Variants in SAP130 observed in about 807,000 individuals in gnomAD.
SAP130 encodes the protein histone deacetylase complex subunit SAP130.
In SAP130, 16 loss-of-function variants were observed where a neutral mutation model predicts 103.2. The observed-to-expected ratio is 0.16, with a 90% CI of 0.10 to 0.24. SAP130 has a LOEUF of 0.24. Ranked by LOEUF, SAP130 falls within the 10% of genes least tolerant of loss-of-function variation. The probability of loss-of-function intolerance (pLI) is 1.00; values close to 1 mark genes in which losing one functional copy is unlikely to be tolerated. For missense variants in SAP130, 990 were observed against 1,359.7 expected (o/e 0.73, Z 4.28); for synonymous variants, 477 against 497.0 (o/e 0.96, Z 0.53).
chr2:127,967,809 T>C (rs1171314170), intron 15 of SAP130, among the ~76,000 whole-genome samples: 1 of 152,154 alleles, frequency 6.6e-6, no homozygotes, highest in African/African-American at 2.4e-5. Context: ...AACAGATATA[T>C]AGAATACTCC....
Position 128,000,446 on chromosome 2 carries a change from G to T in SAP130, c.878C>A (p.Thr293Asn). 2 of 1,614,130 alleles carry T rather than the reference G, an allele frequency of 1.2e-6. No homozygotes were observed. The highest frequency in any genetic ancestry group is 1.7e-6 in the Non-Finnish European group (2 of 1,180,010). Residue 293 changes from threonine (T) to asparagine (N), a missense_variant, in exon 8 of 21, where the codon ACC becomes AAC. Physicochemically the swap from Thr to Asn is moderately conservative, Grantham distance 65. Around this residue, in one of 6 missense-constraint regions of SAP130, gnomAD observed 336 missense variants for 520.1 expected, o/e 0.65. Transcript: ENST00000643581. ...HATDSALSRPTLSIQHPPSAA... is the reference protein window; with the variant it reads ...HATDSALSRPNLSIQHPPSAA... ...AGATGGAGGATGCTGGATAGACAAGGTTGGCCTACTGAAAAGATAACAAAG... is the reference window on the plus strand; with the variant it reads ...AGATGGAGGATGCTGGATAGACAAGTTTGGCCTACTGAAAAGATAACAAAG...
intron 14 of SAP130, among the ~76,000 whole-genome samples, chr2:127,979,113 G>A (rs1355330742): frequency 5.3e-5 from 8 of 152,296 alleles, no homozygotes; most frequent in African/African-American, 1.9e-4. Flanking sequence ...AAAATCCAGT[G>A]ACAAGTATCC....
In SAP130 at chr2:128,018,483, C is replaced by CAAAAAA. The variant is rs759445928; in HGVS notation, c.113-574_113-569dup. Among the ~76,000 whole-genome samples, 55 of 69,468 alleles carry CAAAAAA rather than the reference C, an allele frequency of 7.9e-4. 2 individuals are homozygous for CAAAAAA. Among genetic ancestry groups the CAAAAAA allele is most frequent in the African/African-American group, 3.6e-3 (55 of 15,290 alleles). The allele number at this position is 69,468 out of a possible 152,430, so 45.6% of individuals were successfully genotyped here. ...CTGGGCGAGAGAGGAAGATTGTCTC[C>CAAAAAA]AAAAAAAAAAAAAAAAAAAAAAAGG... On this transcript the variant is annotated intron_variant, in intron 2 of 20. Coordinates refer to ENST00000643581, the MANE Select transcript of SAP130 (RefSeq NM_001330301.2).
chr2:127,942,359 A>G lies in SAP130; in HGVS notation c.3015+65T>C. ...GAGGGAGACGGGGGGAAACGGGAGA[A>G]GTAGGGCTTTACAGAAAGCAACTTC... On this transcript the variant is annotated intron_variant, in intron 20 of 20. Transcript: ENST00000643581. This position sits in a 1 kb window ranked among gnomAD's most constrained non-coding sequence, Gnocchi z 4.8. 8.2e-7 allele frequency: 1 copy of G among 1,226,846 alleles called. No homozygotes were observed. Among genetic ancestry groups the G allele is most frequent in the South Asian group, 1.2e-5 (1 of 82,154 alleles). The allele number at this position is 1,226,846 out of a possible 1,614,324, so 76.0% of individuals were successfully genotyped here. A position where few individuals can be genotyped will look rare whatever the true frequency, so the allele number is the denominator to read the frequency against.
intron 15 of SAP130, among the ~76,000 whole-genome samples, chr2:127,970,246 A>T (rs1321916180): frequency 6.8e-6 from 1 of 147,760 alleles, no homozygotes; most frequent in Non-Finnish European, 1.5e-5. Context: ...AAAAATTTTA[A>T]ATTAGCTGGG....
chr2:127,974,167 G>A (rs1158090026), intron 15 of SAP130, among the ~76,000 whole-genome samples: 2 of 152,204 alleles, frequency 1.3e-5, no homozygotes, highest in East Asian at 3.8e-4. Context: ...CTCTGCTGCA[G>A]TTTATTCTCA....
intron 15 of SAP130, among the ~76,000 whole-genome samples, chr2:127,958,929 G>A (rs1336691013): frequency 6.6e-6 from 1 of 152,080 alleles, no homozygotes; most frequent in African/African-American, 2.4e-5. Context: ...GAAGCTGTGG[G>A]GTGAGCCGCC....
chr2:127,945,623 C>A lies in SAP130; in HGVS notation c.2798-64G>T. On this transcript the variant is annotated intron_variant, in intron 18 of 20. Coordinates refer to ENST00000643581, the MANE Select transcript of SAP130 (RefSeq NM_001330301.2). ...TTTAAAAAGGTAAATGATTTGTGTT[C>A]GAGCAGTGTAAATGCCATTATTTTA... 3 of 1,028,484 alleles carry A rather than the reference C, an allele frequency of 2.9e-6. No individual in the cohort carries two copies. In the South Asian group the frequency reaches 3.8e-5, roughly 13 times the overall value. The allele number at this position is 1,028,484 out of a possible 1,614,324, so 63.7% of individuals were successfully genotyped here.
At chr2:127,987,103 G>T in intron 13 of SAP130, 141 bp from the exon 14 acceptor site, 1 of 709,698 alleles carries the variant, frequency 1.4e-6, no homozygotes, top group Non-Finnish European at 2.3e-6. Flanking sequence ...AGGGACAGGA[G>T]CACAATGTTC....
intron 2 of SAP130, among the ~76,000 whole-genome samples, chr2:128,020,985 G>A (rs1055901060): frequency 6.6e-6 from 1 of 151,754 alleles, no homozygotes; most frequent in East Asian, 1.9e-4. Flanking sequence ...GCAAGACTCT[G>A]TCTCAAAAAA....
rs572132284 is a variant in SAP130 at position 127,996,882 on chromosome 2, A to T, written c.1214-391T>A. Among the ~76,000 whole-genome samples, 83 of 152,062 alleles carry T rather than the reference A, an allele frequency of 5.5e-4. No homozygotes were observed. Among genetic ancestry groups the T allele is most frequent in the African/African-American group, 1.9e-3 (77 of 41,460 alleles). ...CAGTGAGCCATGACTGCACCACTAT[A>T]CTCCAGCCTCACTCACAGACTGGGA... On this transcript the variant is annotated intron_variant, in intron 10 of 20. Coordinates refer to ENST00000643581, the MANE Select transcript of SAP130 (RefSeq NM_001330301.2). The surrounding 1 kb of genome is among the most constrained non-coding windows in gnomAD (Gnocchi z 4.3).
At chr2:128,010,028 C>T (rs1684270569) in intron 7 of SAP130, among the ~76,000 whole-genome samples, 1 of 152,082 alleles carries the variant, frequency 6.6e-6, no homozygotes, top group African/African-American at 2.4e-5. Context: ...TTTTCCAAAG[C>T]ACTTTTCACC....
In SAP130 at chr2:127,941,756, A is replaced by G. The variant is rs994111414; in HGVS notation, c.*250T>C. The G allele has an allele frequency of 8.3e-6, 4 of 481,636 alleles. No individual in the cohort carries two copies. The highest frequency in any genetic ancestry group is 5.1e-4 in the Middle Eastern group (1 of 1,954). 29.8% of individuals were successfully genotyped at this position (481,636 alleles called of 1,614,324 possible). On this transcript the variant is annotated 3_prime_UTR_variant, in exon 21 of 21. Transcript: ENST00000643581. ...GCTTCCAACTGGTGGACACTGATGC[A>G]TCCGGAGTCACTTATGACACAGATC...
intron 13 of SAP130, among the ~76,000 whole-genome samples, chr2:127,988,171 G>A (rs1222833525): frequency 6.6e-6 from 1 of 152,114 alleles, no homozygotes. Flanking sequence ...GCCTGCAATC[G>A]CAGCACTTTG....
chr2:128,009,607 A>G (rs1358417424), intron 7 of SAP130, among the ~76,000 whole-genome samples: 4 of 152,202 alleles, frequency 2.6e-5, no homozygotes, highest in African/African-American at 9.7e-5. Flanking sequence ...CTATCCAGCA[A>G]CCAGGCTGAA....
rs1678804638 is a variant in SAP130, at chr2:127,942,839, T to C, written c.2902-302A>G. 6.6e-6 allele frequency among the ~76,000 whole-genome samples: 1 copy of C among 151,900 alleles called. No individual in the cohort carries two copies. Among genetic ancestry groups the C allele is most frequent in the African/African-American group, 2.4e-5 (1 of 41,324 alleles). ...CGCCATCTCTATTAAAAATACAAAA[T>C]TAGCTGGGCGTGGTGGCGCATGCCT... On this transcript the variant is annotated intron_variant, in intron 19 of 20. Coordinates refer to ENST00000643581, the MANE Select transcript of SAP130 (RefSeq NM_001330301.2). The surrounding 1 kb of genome is among the most constrained non-coding windows in gnomAD (Gnocchi z 4.8).
At position 127,986,511 on chromosome 2, in the gene SAP130, T is replaced by C. The variant is rs1049728460; in HGVS notation, c.1958+274A>G. 6.6e-6 allele frequency among the ~76,000 whole-genome samples: 1 copy of C among 152,216 alleles called. No homozygotes were observed. The highest frequency in any genetic ancestry group is 1.5e-5 in the Non-Finnish European group (1 of 68,030). On this transcript the variant is annotated intron_variant, in intron 14 of 20. Transcript: ENST00000643581. The surrounding 1 kb of genome is among the most constrained non-coding windows in gnomAD (Gnocchi z 4.7). ...ATAAACTACTTTAAAAGTTCTATGATTGAAGTTCCAGAACTAGAGAGAATT... is the reference window on the plus strand; with the variant it reads ...ATAAACTACTTTAAAAGTTCTATGACTGAAGTTCCAGAACTAGAGAGAATT...
chr2:127,991,329 T>C (rs1682785960), intron 12 of SAP130, among the ~76,000 whole-genome samples: 1 of 152,202 alleles, frequency 6.6e-6, no homozygotes, highest in African/African-American at 2.4e-5. Context: ...ACCATTTCAA[T>C]ATGTCATTAA....
At chr2:128,022,737 C>T (rs943263568) in intron 2 of SAP130, among the ~76,000 whole-genome samples, 1 of 152,078 alleles carries the variant, frequency 6.6e-6, no homozygotes, top group Non-Finnish European at 1.5e-5. Flanking sequence ...TCATGTGCTT[C>T]TTTGGCACTT....
Sources: allele counts gnomAD v4.1 joint callset (sites outside exome capture counted in the v4.1 genomes callset), GRCh38; gene constraint gnomAD v4.1.1; regional missense constraint gnomAD v4.1.1; non-coding constraint Gnocchi (gnomAD v3.1); transcripts MANE v1.5; gene names NCBI Gene and HGNC (gene_info 2026-07-23, HGNC 2026-07-21).